ZMIZ1: variants seen among roughly 807,000 people sequenced by gnomAD.
ZMIZ1 encodes zinc finger MIZ domain-containing protein 1.
Under a neutral mutation model 113.9 loss-of-function variants are expected in ZMIZ1, and 17 were observed. The ratio of observed to expected loss-of-function variants is 0.15; its 90% CI spans 0.10 to 0.22. ZMIZ1 has a LOEUF of 0.22. Ranked by LOEUF, ZMIZ1 falls within the 10% of genes least tolerant of loss-of-function variation. ZMIZ1 has a pLI of 1.00. For missense variants in ZMIZ1, 1,059 were observed against 1,477.8 expected (o/e 0.72, Z 4.65); for synonymous variants, 607 against 603.1 (o/e 1.01, Z -0.09).
intron 4 of ZMIZ1, among the ~76,000 whole-genome samples, chr10:79,174,410 G>A (rs371432694): frequency 5.3e-5 from 8 of 152,342 alleles, no homozygotes; most frequent in East Asian, 1.9e-4. Flanking sequence ...AGTGGCAGGT[G>A]GTGAGGCCCT....
chr10:79,194,077 G>A (rs1564710846), intron 4 of ZMIZ1, among the ~76,000 whole-genome samples: 4 of 152,216 alleles, frequency 2.6e-5, no homozygotes, highest in South Asian at 4.1e-4. Context: ...CTCTGCTCGC[G>A]GGCTGTAGGC....
chr10:79,298,870 G>A (rs1389086852), intron 15 of ZMIZ1, among the ~76,000 whole-genome samples, 180 bp from the exon 16 acceptor site: 1 of 152,282 alleles, frequency 6.6e-6, no homozygotes, highest in East Asian at 1.9e-4. Flanking sequence ...GCGGGGCCGT[G>A]TAGAATCGAA....
intron 22 of ZMIZ1, among the ~76,000 whole-genome samples, 184 bp downstream of exon 22, chr10:79,306,528 G>A (rs1854711016): frequency 6.6e-6 from 1 of 152,216 alleles, no homozygotes; most frequent in African/African-American, 2.4e-5. Context: ...CTAGCCCAGG[G>A]GCTTCAGAGC....
At chr10:79,243,341 G>A (rs931346034) in intron 7 of ZMIZ1, among the ~76,000 whole-genome samples, 1 of 149,954 alleles carries the variant, frequency 6.7e-6, no homozygotes, top group African/African-American at 2.4e-5. Flanking sequence ...GCGGCTGGCT[G>A]CCTCCTCGGC....
chr10:79,162,351 A>G (rs927117018), intron 4 of ZMIZ1, among the ~76,000 whole-genome samples: 1 of 152,140 alleles, frequency 6.6e-6, no homozygotes, highest in African/African-American at 2.4e-5. Context: ...GCCTTTCTCT[A>G]GAGCAGCTGC....
intron 7 of ZMIZ1, among the ~76,000 whole-genome samples, chr10:79,222,838 T>A (rs1280802793): frequency 6.6e-6 from 1 of 152,134 alleles, no homozygotes; most frequent in African/African-American, 2.4e-5. Context: ...TGGAGAGTGC[T>A]CCAGCCTTCA....
intron 7 of ZMIZ1, among the ~76,000 whole-genome samples, chr10:79,253,437 G>T (rs1310767745): frequency 6.6e-6 from 1 of 152,178 alleles, no homozygotes; most frequent in South Asian, 2.1e-4. Flanking sequence ...TCCCCTTGGG[G>T]CTTACGGGTA....
chr10:79,287,644 A>C (rs752464435), intron 8 of ZMIZ1, among the ~76,000 whole-genome samples: 5 of 152,216 alleles, frequency 3.3e-5, no homozygotes, highest in Admixed American at 6.5e-5. Flanking sequence ...CTCAAGGACT[A>C]ATCTTCATCT....
At chr10:79,197,595 T>TACACACACACACACACACACACACAC (rs10648318) in intron 4 of ZMIZ1, among the ~76,000 whole-genome samples, 1 of 136,758 alleles carries the variant, frequency 7.3e-6, no homozygotes, top group East Asian at 2.3e-4. Flanking sequence ...ACCCAGACCA[T>TACACACACACACACACACACACACAC]ACACACACAC....
chr10:79,163,570 T>A (rs113930588), intron 4 of ZMIZ1, among the ~76,000 whole-genome samples: 2 of 152,212 alleles, frequency 1.3e-5, no homozygotes, highest in Non-Finnish European at 2.9e-5. Context: ...GGGAGGTTTG[T>A]CTAATTCATT....
chr10:79,112,138 A>C (rs188453807), intron 1 of ZMIZ1, among the ~76,000 whole-genome samples: 75 of 152,312 alleles, frequency 4.9e-4, no homozygotes, highest in Admixed American at 2.7e-3. Flanking sequence ...AAGATTTGGC[A>C]GTGGGACGTG....
At chr10:79,218,250 G>A (rs962760545) in intron 7 of ZMIZ1, among the ~76,000 whole-genome samples, 2 of 152,208 alleles carry the variant, frequency 1.3e-5, no homozygotes, top group African/African-American at 4.8e-5. Flanking sequence ...CAGGCAGGTG[G>A]ATCACTTGAG....
intron 7 of ZMIZ1, among the ~76,000 whole-genome samples, chr10:79,236,828 A>T (rs1180852109): frequency 6.6e-6 from 1 of 152,284 alleles, no homozygotes; most frequent in Non-Finnish European, 1.5e-5. Flanking sequence ...TTTATAAAGC[A>T]TCTGCCTGGC....
intron 1 of ZMIZ1, among the ~76,000 whole-genome samples, chr10:79,070,526 G>A (rs1305020436): frequency 1.3e-5 from 2 of 152,150 alleles, no homozygotes; most frequent in Non-Finnish European, 2.9e-5. Flanking sequence ...AGCGCGCCAG[G>A]GCAGCCGGTC....
rs770301425 is a variant in ZMIZ1 at position 79,316,457 on chromosome 10, G to T, written c.*3708G>T. ...TTGCTAGACATTTCTATACTCTGTTGTAACACTGAGGTATCTCATTTGCCC... is the reference window on the plus strand; with the variant it reads ...TTGCTAGACATTTCTATACTCTGTTTTAACACTGAGGTATCTCATTTGCCC... On this transcript the variant is annotated 3_prime_UTR_variant, in exon 25 of 25. Transcript: ENST00000334512. 1 of 152,736 alleles carries T rather than the reference G, an allele frequency of 6.5e-6. No homozygotes were observed. Among genetic ancestry groups the T allele is most frequent in the African/African-American group, 2.4e-5 (1 of 41,434 alleles). The allele number at this position is 152,736 out of a possible 1,614,324, so 9.5% of individuals were successfully genotyped here. A position where few individuals can be genotyped will look rare whatever the true frequency, so the allele number is the denominator to read the frequency against.
chr10:79,147,027 C>T lies in ZMIZ1; in HGVS notation c.-131+7250C>T, dbSNP rs1053591513. On this transcript the variant is annotated intron_variant, in intron 3 of 24. Coordinates refer to ENST00000334512, the MANE Select transcript of ZMIZ1 (RefSeq NM_020338.4). ...TAGCCATCACGTGGCTGGTTTCTCT[C>T]GCTATTTGTCCAAGTAAGCAGTTCA... is the stretch of plus-strand genomic sequence containing the variant. Among the ~76,000 whole-genome samples, 5 of 152,122 alleles carry T rather than the reference C, an allele frequency of 3.3e-5. No individual in the cohort carries two copies. In the East Asian group the frequency reaches 7.7e-4, roughly 23 times the overall value.
rs1043035653 is a variant in ZMIZ1 at position 79,305,311 on chromosome 10, C to T, written c.2354+80C>T. Reference sequence around the variant, plus strand: ...AGGGGCCAGCTACCTCCCACCTCCACCTGCCCTAAATGCAAACCAGAACCC... The same window carrying T: ...AGGGGCCAGCTACCTCCCACCTCCATCTGCCCTAAATGCAAACCAGAACCC... On this transcript the variant is annotated intron_variant, in intron 20 of 24. Transcript: ENST00000334512. 125 of 1,517,756 alleles carry T rather than the reference C, an allele frequency of 8.2e-5. No homozygotes were observed. The East Asian group carries it at 2.4e-3, about 29-fold the overall frequency. The allele number at this position is 1,517,756 out of a possible 1,614,324, so 94.0% of individuals were successfully genotyped here. A position where few individuals can be genotyped will look rare whatever the true frequency, so the allele number is the denominator to read the frequency against.
intron 1 of ZMIZ1, among the ~76,000 whole-genome samples, chr10:79,089,279 A>G (rs935947433): frequency 6.6e-6 from 1 of 152,208 alleles, no homozygotes; most frequent in Non-Finnish European, 1.5e-5. Flanking sequence ...GATGGAGCCA[A>G]GTGGGCCCCA....
At chr10:79,132,199 T>G (rs1160543674) in intron 2 of ZMIZ1, among the ~76,000 whole-genome samples, 1 of 152,194 alleles carries the variant, frequency 6.6e-6, no homozygotes, top group Non-Finnish European at 1.5e-5. Context: ...GGTAATATTG[T>G]TCCCCTTTAG....
Sources: allele counts gnomAD v4.1 joint callset (sites outside exome capture counted in the v4.1 genomes callset), GRCh38; gene constraint gnomAD v4.1.1; transcripts MANE v1.5; gene names NCBI Gene and HGNC (gene_info 2026-07-23, HGNC 2026-07-21).